The following UNC13C variants were observed in gnomAD, a reference collection of about 807,000 sequenced individuals.
The protein encoded by UNC13C is unc-13 homolog C.
UNC13C carries 174 observed loss-of-function variants against 245.4 expected under a neutral mutation model. That is an observed-to-expected ratio of 0.71 (90% CI 0.63 to 0.80). The LOEUF is 0.80. Ranked by LOEUF, UNC13C falls within the 30% of genes least tolerant of loss-of-function variation. The pLI, the probability that UNC13C is intolerant of heterozygous loss-of-function variation, is 0.00. For synonymous variants in UNC13C, 992 were observed against 895.1 expected (o/e 1.11, Z -1.93); for missense variants, 2,829 against 2,602.9 (o/e 1.09, Z -1.89).
At position 54,092,333 on chromosome 15, in the gene UNC13C, G is replaced by A. The variant is rs1007799740; in HGVS notation, c.2984-50685G>A. On this transcript the variant is annotated intron_variant, in intron 2 of 32. Transcript: ENST00000260323. ...GTTTTTGGGCTGATAGGGTCACAAAGCATATTCATTACCCAAGTCTTTACA... is the reference window on the plus strand; with the variant it reads ...GTTTTTGGGCTGATAGGGTCACAAAACATATTCATTACCCAAGTCTTTACA... Among the ~76,000 whole-genome samples the A allele has an allele frequency of 3.9e-5, 6 of 152,052 alleles. No individual in the cohort carries two copies. In the East Asian group the frequency reaches 5.8e-4, roughly 15 times the overall value.
At chr15:54,300,027 G>A (rs1217345099) in intron 12 of UNC13C, among the ~76,000 whole-genome samples, 183 bp from the exon 13 acceptor site, 2 of 152,136 alleles carry the variant, frequency 1.3e-5, no homozygotes, top group Non-Finnish European at 2.9e-5. Context: ...AGAAATCAAA[G>A]CAGATTTTGC....
At chr15:53,925,931 A>T in the UNC13C span, among the ~76,000 whole-genome samples, 1 of 152,086 alleles carries the variant, frequency 6.6e-6, no homozygotes, top group Admixed American at 6.5e-5. Flanking sequence ...TCCTTATCTG[A>T]CTCCAAGAAC....
In UNC13C at chr15:54,494,718, G is replaced by A; in HGVS notation, c.5044G>A (p.Val1682Ile). 1.2e-6 allele frequency: 2 copies of A among 1,609,936 alleles called. No individual in the cohort carries two copies. Among genetic ancestry groups the A allele is most frequent in the East Asian group, 2.2e-5 (1 of 44,708 alleles). The stretch of plus-strand genomic sequence containing the variant: ...TGAACTTCCTGCCTTCAAGGATGCT[G>A]TTCCTGAATACTCCTTGTAAGTAGT... ...VRELPAFKDA[V>I]PEYSLWFEPF... The change falls in exon 20 of 33, where the codon GTT becomes ATT. Residue 1682 changes from valine to isoleucine, a missense_variant. Val to Ile is a conservative substitution (Grantham distance 29). Transcript: ENST00000260323.
chr15:54,593,967 G>A (rs1226686032), intron 30 of UNC13C, among the ~76,000 whole-genome samples: 1 of 152,206 alleles, frequency 6.6e-6, no homozygotes, highest in Non-Finnish European at 1.5e-5. Context: ...CTCTATCAGA[G>A]GGAAGGTCTA....
intron 4 of UNC13C, among the ~76,000 whole-genome samples, chr15:54,221,964 A>T (rs1272167354): frequency 2.6e-5 from 4 of 152,044 alleles, no homozygotes; most frequent in Non-Finnish European, 4.4e-5. Flanking sequence ...TAAATTTTAA[A>T]TTTTTGTGAG....
At chr15:54,292,458 G>A (rs971344526) in intron 10 of UNC13C, among the ~76,000 whole-genome samples, 1 of 151,900 alleles carries the variant, frequency 6.6e-6, no homozygotes, top group African/African-American at 2.4e-5. Flanking sequence ...CCTATGTTAA[G>A]TAGAAACAGT....
In UNC13C at chr15:54,061,111, GTA is replaced by G. The variant is rs1897809063; in HGVS notation, c.2983+45228_2983+45229del. Among the ~76,000 whole-genome samples the G allele has an allele frequency of 8.8e-5, 4 of 45,282 alleles. No homozygotes were observed. In the South Asian group the frequency reaches 3.6e-3, roughly 40 times the overall value. The allele number at this position is 45,282 out of a possible 152,430, so 29.7% of individuals were successfully genotyped here. On this transcript the variant is annotated intron_variant, in intron 2 of 32. Coordinates refer to ENST00000260323, the MANE Select transcript of UNC13C (RefSeq NM_001080534.3). Reference sequence around the variant, plus strand: ...GTGCACATGTACCCTAAAACTTAAAGTATAATAATAATAAAAAAAAAAGGAAT... The same window carrying G: ...GTGCACATGTACCCTAAAACTTAAAGTAATAATAATAAAAAAAAAAGGAAT...
intron 19 of UNC13C, among the ~76,000 whole-genome samples, chr15:54,435,580 G>T (rs1290094426): frequency 6.6e-6 from 1 of 151,346 alleles, no homozygotes; most frequent in Non-Finnish European, 1.5e-5. Context: ...CCTCTCGGTG[G>T]GTGGGGGTGG....
chr15:54,011,511 T>C (rs1431936589), intron 1 of UNC13C, among the ~76,000 whole-genome samples: 2 of 152,210 alleles, frequency 1.3e-5, no homozygotes, highest in Non-Finnish European at 2.9e-5. Flanking sequence ...GCAGCTTAAC[T>C]TTCCAAAGCC....
intron 18 of UNC13C, among the ~76,000 whole-genome samples, chr15:54,413,230 T>C (rs1053374140): frequency 2.0e-5 from 3 of 150,818 alleles, no homozygotes; most frequent in African/African-American, 7.4e-5. Flanking sequence ...TAGTTTTTTG[T>C]GTGTTTTAGT....
intron 30 of UNC13C, among the ~76,000 whole-genome samples, chr15:54,595,993 T>C (rs1899058885): frequency 6.6e-6 from 1 of 152,134 alleles, no homozygotes; most frequent in Non-Finnish European, 1.5e-5. Context: ...CTTTAAGAAT[T>C]TGAAGAAAAA....
chr15:54,172,669 ATATT>A (rs1408215616), intron 4 of UNC13C, among the ~76,000 whole-genome samples: 3 of 137,178 alleles, frequency 2.2e-5, no homozygotes, highest in East Asian at 2.2e-4. Flanking sequence ...TCAAATATAT[ATATT>A]AATTTATGAC....
the UNC13C span, among the ~76,000 whole-genome samples, chr15:53,882,991 G>T: frequency 2.6e-5 from 4 of 151,922 alleles, no homozygotes; most frequent in Non-Finnish European, 4.4e-5. Flanking sequence ...ACAACCACCC[G>T]TATGACACAC....
intron 1 of UNC13C, among the ~76,000 whole-genome samples, chr15:54,007,060 G>A (rs1036594106): frequency 2.0e-5 from 3 of 152,186 alleles, no homozygotes; most frequent in Non-Finnish European, 4.4e-5. Context: ...GAACAGATAT[G>A]TGGTGAACCA....
At chr15:54,466,915 G>A (rs1892202166) in intron 19 of UNC13C, among the ~76,000 whole-genome samples, 2 of 151,926 alleles carry the variant, frequency 1.3e-5, no homozygotes, top group Middle Eastern at 3.4e-3. Context: ...ATGATAAATT[G>A]GGAAACTAAT....
chr15:54,036,858 G>A (rs1222423165), intron 2 of UNC13C, among the ~76,000 whole-genome samples: 1 of 152,176 alleles, frequency 6.6e-6, no homozygotes, highest in African/African-American at 2.4e-5. Context: ...ATGACTTTAT[G>A]AACATGGAAA....
chr15:54,134,049 C>CGTGTGTGTGTGTGTGT (rs3082223), intron 2 of UNC13C, among the ~76,000 whole-genome samples: 1 of 149,474 alleles, frequency 6.7e-6, no homozygotes, highest in African/African-American at 2.5e-5. Flanking sequence ...TACTGAGTTA[C>CGTGTGTGTGTGTGTGT]GTGTGTGTGT....
intron 28 of UNC13C, among the ~76,000 whole-genome samples, chr15:54,552,943 A>ATATATAGTATTCTATATTACAATATATAT (rs1896895817): frequency 8.6e-5 from 4 of 46,708 alleles, no homozygotes; most frequent in Non-Finnish European, 1.4e-4. Context: ...ACATTATATA[A>ATATATAGTATTCTATATTACAATATATAT]TATATATTGT....
chr15:54,612,562 T>C (rs1325664994), intron 30 of UNC13C, among the ~76,000 whole-genome samples: 1 of 151,988 alleles, frequency 6.6e-6, no homozygotes, highest in Non-Finnish European at 1.5e-5. Context: ...CCTGTTTAAC[T>C]TTTTCCCCAA....
Sources: gnomAD v4.1 joint callset for allele counts (sites outside exome capture counted in the v4.1 genomes callset) on GRCh38, gnomAD v4.1.1 for gene constraint, MANE v1.5 for transcripts, NCBI Gene and HGNC (gene_info 2026-07-23, HGNC 2026-07-21) for gene names.